Variants in TANGO6 observed in about 807,000 individuals in gnomAD.
The protein encoded by TANGO6 is transport and golgi organization 6 homolog, also known as transport and Golgi organization protein 6 homolog.
In TANGO6, 90 loss-of-function variants were observed where a neutral mutation model predicts 114.2. The observed-to-expected ratio is 0.79, with a 90% CI of 0.66 to 0.94. The LOEUF is 0.94. Ranked by LOEUF, TANGO6 falls within the 40% of genes least tolerant of loss-of-function variation. The probability of loss-of-function intolerance (pLI) is 0.00; values close to 1 mark genes in which losing one functional copy is unlikely to be tolerated. For missense variants in TANGO6, 1,274 were observed against 1,315.3 expected (o/e 0.97, Z 0.49); for synonymous variants, 477 against 509.8 (o/e 0.94, Z 0.87).
chr16:68,996,139 A>G (rs1368760493), intron 15 of TANGO6, among the ~76,000 whole-genome samples: 5 of 152,188 alleles, frequency 3.3e-5, no homozygotes, highest in Non-Finnish European at 5.9e-5. Flanking sequence ...AACAGAGATG[A>G]TTTCCCCAGA....
At chr16:68,851,139 T>C (rs917672378) in intron 1 of TANGO6, among the ~76,000 whole-genome samples, 5 of 152,114 alleles carry the variant, frequency 3.3e-5, no homozygotes, top group Admixed American at 6.6e-5. Context: ...ATATATATTT[T>C]TTTCTGCGTC....
Position 68,893,213 on chromosome 16 carries a change from C to G in TANGO6, c.1378-7221C>G, listed in dbSNP as rs116351666. ...TGAAGGAAATGAGCAAACTTGCAGT[C>G]AAGTCAGAGAATCATAGATGAGATA... On this transcript the variant is annotated intron_variant, in intron 7 of 17. Coordinates refer to ENST00000261778, the MANE Select transcript of TANGO6 (RefSeq NM_024562.2). Among the ~76,000 whole-genome samples, 424 of 152,182 alleles carry G rather than the reference C, an allele frequency of 2.8e-3. 5 individuals are homozygous for G. Among genetic ancestry groups the G allele is most frequent in the African/African-American group, 9.4e-3 (392 of 41,496 alleles).
chr16:68,895,264 G>T (rs1365326183), intron 7 of TANGO6, among the ~76,000 whole-genome samples: 1 of 152,124 alleles, frequency 6.6e-6, no homozygotes, highest in Non-Finnish European at 1.5e-5. Context: ...CACGAGAATT[G>T]CTTGAACCCG....
At chr16:68,900,156 G>C (rs550133556) in intron 7 of TANGO6, 1 of 349,094 alleles carries the variant, frequency 2.9e-6, no homozygotes, top group Non-Finnish European at 5.1e-6. Context: ...AAGTAGGAAA[G>C]GAAGAGGTCA....
At chr16:69,076,618 G>A (rs887732164) in intron 17 of TANGO6, among the ~76,000 whole-genome samples, 16 of 152,158 alleles carry the variant, frequency 1.1e-4, no homozygotes, top group Admixed American at 2.0e-4. Flanking sequence ...TCGAAGCAAC[G>A]CATGGAAAGT....
chr16:68,992,870 A>G (rs563784065), intron 15 of TANGO6, among the ~76,000 whole-genome samples: 2 of 152,252 alleles, frequency 1.3e-5, no homozygotes, highest in East Asian at 3.9e-4. Flanking sequence ...GGAGTTCAAG[A>G]CCAGTTTGAC....
chr16:68,926,379 A>G (rs1963167718), intron 12 of TANGO6, among the ~76,000 whole-genome samples: 1 of 151,352 alleles, frequency 6.6e-6, no homozygotes, highest in Non-Finnish European at 1.5e-5. Flanking sequence ...CTGTAGTCCC[A>G]GCTACTCGGG....
intron 17 of TANGO6, among the ~76,000 whole-genome samples, chr16:69,042,063 A>G (rs976125879): frequency 2.0e-5 from 3 of 152,178 alleles, no homozygotes; most frequent in Admixed American, 6.5e-5. Flanking sequence ...GAGAATTCCT[A>G]TTTCATTGGC....
intron 1 of TANGO6, among the ~76,000 whole-genome samples, chr16:68,851,094 A>AT (rs1724822561): frequency 6.6e-6 from 1 of 151,906 alleles, no homozygotes; most frequent in Non-Finnish European, 1.5e-5. Context: ...GTGATTTCCT[A>AT]TTCATTCCCA....
chr16:68,881,492 G>A (rs538184626), intron 7 of TANGO6, among the ~76,000 whole-genome samples: 55 of 152,142 alleles, frequency 3.6e-4, no homozygotes, highest in African/African-American at 1.3e-3. Flanking sequence ...CCAGCCTGGG[G>A]GATAGAGCGA....
At chr16:68,973,140 A>G (rs1423174108) in intron 14 of TANGO6, 2 of 455,918 alleles carry the variant, frequency 4.4e-6, no homozygotes, top group African/African-American at 4.0e-5. Context: ...AATGGATGAA[A>G]AAGGTAGAAG....
chr16:68,910,673 TTTTG>T (rs1364914279), intron 11 of TANGO6, among the ~76,000 whole-genome samples: 2 of 152,164 alleles, frequency 1.3e-5, no homozygotes, highest in African/African-American at 4.8e-5. Context: ...TGGTATATTG[TTTTG>T]TTTTATTATT....
At chr16:69,039,578 G>A (rs1159231337) in intron 16 of TANGO6, among the ~76,000 whole-genome samples, 1 of 152,096 alleles carries the variant, frequency 6.6e-6, no homozygotes, top group African/African-American at 2.4e-5. Context: ...CAAGGCTGCA[G>A]TGAGCCCTGA....
At chr16:69,041,502 C>G (rs1959774467) in intron 17 of TANGO6, among the ~76,000 whole-genome samples, 1 of 151,606 alleles carries the variant, frequency 6.6e-6, no homozygotes, top group South Asian at 2.1e-4. Context: ...GGGCTTTATT[C>G]ATCCTAGAAT....
At chr16:68,991,848 A>C (rs1379664861) in intron 15 of TANGO6, among the ~76,000 whole-genome samples, 1 of 152,076 alleles carries the variant, frequency 6.6e-6, no homozygotes, top group Non-Finnish European at 1.5e-5. Flanking sequence ...AAAAGAAAGG[A>C]GAGCCTGGAG....
rs368792229 is a variant in TANGO6 at position 69,067,546 on chromosome 16, G to A, written c.3109-15939G>A. ...AAAAAAAAAAAAAAAAACGCTGGGC[G>A]CCGTGGCACACGCCTATAATCCCAG... On this transcript the variant is annotated intron_variant, in intron 17 of 17. Coordinates refer to ENST00000261778, the MANE Select transcript of TANGO6 (RefSeq NM_024562.2). Among the ~76,000 whole-genome samples, 119 of 112,754 alleles carry A rather than the reference G, an allele frequency of 1.1e-3. 1 individual carries two copies. Among genetic ancestry groups the A allele is most frequent in the African/African-American group, 4.7e-3 (112 of 23,750 alleles). 74.0% of individuals were successfully genotyped at this position (112,754 alleles called of 152,430 possible). A position where few individuals can be genotyped will look rare whatever the true frequency, so the allele number is the denominator to read the frequency against.
intron 15 of TANGO6, among the ~76,000 whole-genome samples, chr16:68,974,640 G>A (rs1402983204): frequency 1.3e-5 from 2 of 151,276 alleles, no homozygotes; most frequent in East Asian, 2.0e-4. Context: ...CAGCCTGGGC[G>A]ACAAAATGAG....
chr16:69,051,637 T>G (rs1420984009), intron 17 of TANGO6, among the ~76,000 whole-genome samples: 1 of 151,666 alleles, frequency 6.6e-6, no homozygotes, highest in East Asian at 1.9e-4. Flanking sequence ...GAGCTGAGAT[T>G]GTGCCATCGC....
chr16:68,946,019 A>G (rs1963410771), intron 14 of TANGO6, among the ~76,000 whole-genome samples: 1 of 150,276 alleles, frequency 6.7e-6, no homozygotes, highest in Non-Finnish European at 1.5e-5. Context: ...TTTCCTTCCT[A>G]TCATTGAGTT....
Sources: gnomAD v4.1 joint callset for allele counts (sites outside exome capture counted in the v4.1 genomes callset) on GRCh38, gnomAD v4.1.1 for gene constraint, MANE v1.5 for transcripts, NCBI Gene and HGNC (gene_info 2026-07-23, HGNC 2026-07-21) for gene names.